Variants in DNAJC6 observed in about 807,000 individuals in gnomAD.
DNAJC6 encodes the protein DnaJ heat shock protein family (Hsp40) member C6.
DNAJC6 carries 34 observed loss-of-function variants against 110.0 expected under a neutral mutation model. That is an observed-to-expected ratio of 0.31 (90% CI 0.24 to 0.41). The LOEUF (loss-of-function observed/expected upper bound fraction) is 0.41. Among genes scored for constraint, DNAJC6 ranks in the 10% least tolerant of loss-of-function variants. DNAJC6 has a pLI of 1.00. For missense variants in DNAJC6, 1,031 were observed against 1,207.8 expected, an observed-to-expected ratio of 0.85 and a Z score of 2.17; for synonymous variants, 406 against 437.2, an observed-to-expected ratio of 0.93 and a Z score of 0.89.
chr1:65,345,725 T>G (rs1645431129), intron 1 of DNAJC6: 1 of 971,536 alleles, frequency 1.0e-6, no homozygotes, highest in Non-Finnish European at 1.2e-6. Flanking sequence ...ACCCACCAGG[T>G]AAGGGTGTAC....
intron 1 of DNAJC6, among the ~76,000 whole-genome samples, chr1:65,301,332 C>G (rs996139297): frequency 2.0e-5 from 3 of 152,118 alleles, no homozygotes; most frequent in Non-Finnish European, 2.9e-5. Context: ...CTTCCCCCCC[C>G]ACAAACAAAC....
intron 1 of DNAJC6, among the ~76,000 whole-genome samples, chr1:65,314,176 A>G (rs1288297364): frequency 1.3e-5 from 2 of 151,662 alleles, no homozygotes; most frequent in Non-Finnish European, 2.9e-5. Flanking sequence ...AGAAATTCAC[A>G]TATATAAATA....
intron 13 of DNAJC6, among the ~76,000 whole-genome samples, chr1:65,396,009 G>A (rs1184588855): frequency 6.6e-6 from 1 of 152,228 alleles, no homozygotes; most frequent in African/African-American, 2.4e-5. Context: ...CTTGGAGAAT[G>A]CAGTCCAGTC....
At chr1:65,383,506 C>A (rs1645842265) in intron 5 of DNAJC6, among the ~76,000 whole-genome samples, 1 of 152,114 alleles carries the variant, frequency 6.6e-6, no homozygotes, top group African/African-American at 2.4e-5. Flanking sequence ...TCTGGGGTGG[C>A]AGATGGCTGT....
chr1:65,364,368 T>C (rs571838798), intron 1 of DNAJC6, among the ~76,000 whole-genome samples: 130 of 152,248 alleles, frequency 8.5e-4, no homozygotes, highest in African/African-American at 3.1e-3. Flanking sequence ...AGGCGCTCAA[T>C]TGTTACACAT....
chr1:65,306,798 C>G (rs202020598), upstream of DNAJC6, among the ~76,000 whole-genome samples: 1 of 45,770 alleles, frequency 2.2e-5, no homozygotes, highest in Non-Finnish European at 4.9e-5. Context: ...TTCAAAGTTA[C>G]AAAGACAATT....
At chr1:65,313,822 T>G (rs1645124474) in intron 1 of DNAJC6, among the ~76,000 whole-genome samples, 1 of 152,200 alleles carries the variant, frequency 6.6e-6, no homozygotes, top group Admixed American at 6.5e-5. Flanking sequence ...CACTTTCTCT[T>G]CATTCAAATT....
chr1:65,394,551 A>T (rs1181932195), intron 12 of DNAJC6, among the ~76,000 whole-genome samples: 6 of 152,228 alleles, frequency 3.9e-5, no homozygotes, highest in Non-Finnish European at 8.8e-5. Flanking sequence ...CCCCTAGTTT[A>T]ACATAAATTG....
intron 1 of DNAJC6, among the ~76,000 whole-genome samples, chr1:65,347,794 C>T (rs1536173): frequency 0.64 from 97,415 of 151,970 alleles, 31,752 homozygotes; most frequent in African/African-American, 0.77. Context: ...CTTGACCAGT[C>T]GTACTTCCAG....
chr1:65,365,793 T>C, intron 2 of DNAJC6, 92 bp from the exon 3 acceptor site: 2 of 1,374,940 alleles, frequency 1.5e-6, no homozygotes, highest in South Asian at 1.3e-5. Context: ...TGGACAGCGG[T>C]GTCCCAGTTC....
chr1:65,265,054 C>A, intron 1 of DNAJC6: 1 of 821,820 alleles, frequency 1.2e-6, no homozygotes, highest in Non-Finnish European at 1.9e-6. Context: ...AATTACCATA[C>A]CTATATTAAC....
At chr1:65,375,916 A>G (rs1645761964) in intron 4 of DNAJC6, among the ~76,000 whole-genome samples, 1 of 152,220 alleles carries the variant, frequency 6.6e-6, no homozygotes, top group South Asian at 2.1e-4. Flanking sequence ...TGAGTTCGAA[A>G]GTATTTCCTC....
chr1:65,264,870 G>C, exon 1 of DNAJC6: 1 of 1,612,060 alleles, frequency 6.2e-7, no homozygotes, highest in Non-Finnish European at 8.5e-7. Flanking sequence ...AGAATCAGCC[G>C]GACTTTCCTG....
chr1:65,278,829 C>A (rs980399912), intron 1 of DNAJC6, among the ~76,000 whole-genome samples: 4 of 152,104 alleles, frequency 2.6e-5, no homozygotes, highest in African/African-American at 9.7e-5. Context: ...ACTCCTAGTT[C>A]ATCTGACTTT....
chr1:65,280,890 C>T (rs1396644428), intron 1 of DNAJC6, among the ~76,000 whole-genome samples: 1 of 152,032 alleles, frequency 6.6e-6, no homozygotes, highest in Non-Finnish European at 1.5e-5. Flanking sequence ...TAGATTTCCT[C>T]TCAAGGGAAA....
intron 14 of DNAJC6, among the ~76,000 whole-genome samples, chr1:65,399,851 A>G (rs973932553): frequency 5.3e-5 from 8 of 152,152 alleles, no homozygotes; most frequent in African/African-American, 1.9e-4. Flanking sequence ...TCTGTGTTGT[A>G]ACATGTGACA....
At chr1:65,300,833 G>A (rs1285932603) in intron 1 of DNAJC6, among the ~76,000 whole-genome samples, 2 of 152,334 alleles carry the variant, frequency 1.3e-5, no homozygotes, top group East Asian at 3.9e-4. Flanking sequence ...TGTTCCACCT[G>A]TGTCTGGGGT....
chr1:65,272,691 T>C (rs7550429), intron 1 of DNAJC6, among the ~76,000 whole-genome samples: 113,311 of 151,490 alleles, frequency 0.75, 43,055 homozygotes, highest in East Asian at 0.98. Flanking sequence ...AATATGTTTT[T>C]TTGTTTGTTT....
chr1:65,364,533 A>T, intron 1 of DNAJC6, 102 bp from the exon 2 acceptor site: 1 of 1,300,526 alleles, frequency 7.7e-7, no homozygotes, highest in Non-Finnish European at 1.0e-6. Flanking sequence ...CCAGACTCTT[A>T]AAGACAGTCT....
Sources: allele counts gnomAD v4.1 joint callset (sites outside exome capture counted in the v4.1 genomes callset), GRCh38; gene constraint gnomAD v4.1.1; transcripts MANE v1.5; gene names NCBI Gene and HGNC (gene_info 2026-07-23, HGNC 2026-07-21).